EBF2: variants seen among roughly 807,000 people sequenced by gnomAD.
EBF2 encodes the protein transcription factor COE2.
EBF2 carries 21 observed loss-of-function variants against 72.8 expected under a neutral mutation model. The ratio of observed to expected loss-of-function variants is 0.29; its 90% CI spans 0.20 to 0.42. The LOEUF is 0.42. Among genes scored for constraint, EBF2 ranks in the 10% least tolerant of loss-of-function variants. The probability of loss-of-function intolerance (pLI) is 1.00; values close to 1 mark genes in which losing one functional copy is unlikely to be tolerated. For missense variants in EBF2, 637 were observed against 731.2 expected, an observed-to-expected ratio of 0.87 and a Z score of 1.49; for synonymous variants, 299 against 274.2, an observed-to-expected ratio of 1.09 and a Z score of -0.89.
chr8:25,991,611 C>T (rs763593224), intron 6 of EBF2, among the ~76,000 whole-genome samples: 8 of 152,000 alleles, frequency 5.3e-5, no homozygotes, highest in East Asian at 1.9e-4. Context: ...TTTGGGAGGT[C>T]GAGGCGGGCA....
chr8:26,024,114 A>T (rs1465241904), intron 6 of EBF2, among the ~76,000 whole-genome samples: 1 of 152,082 alleles, frequency 6.6e-6, no homozygotes, highest in South Asian at 2.1e-4. Flanking sequence ...TACCTCTAAA[A>T]CTATGTGCAG....
At chr8:25,885,225 T>TA (rs1228985800) in intron 10 of EBF2, among the ~76,000 whole-genome samples, 4 of 152,190 alleles carry the variant, frequency 2.6e-5, no homozygotes, top group African/African-American at 9.6e-5. Flanking sequence ...TTTTTAACTT[T>TA]AAAAAAATGT....
At chr8:25,921,626 A>G (rs1048872361) in intron 6 of EBF2, among the ~76,000 whole-genome samples, 1 of 152,214 alleles carries the variant, frequency 6.6e-6, no homozygotes, top group Non-Finnish European at 1.5e-5. Context: ...AGTACCAAAA[A>G]TGAAATCTTT....
At chr8:25,957,119 G>A (rs1264406302) in intron 6 of EBF2, among the ~76,000 whole-genome samples, 1 of 152,168 alleles carries the variant, frequency 6.6e-6, no homozygotes, top group East Asian at 1.9e-4. Context: ...TTTGAAAGAA[G>A]GATGGCTGTG....
chr8:25,931,360 G>T (rs1285927754), intron 6 of EBF2, among the ~76,000 whole-genome samples: 2 of 152,128 alleles, frequency 1.3e-5, no homozygotes, highest in African/African-American at 4.8e-5. Flanking sequence ...CTGGTCTAAA[G>T]CAATTGTGGA....
At chr8:25,991,204 A>G (rs1442795317) in intron 6 of EBF2, among the ~76,000 whole-genome samples, 1 of 152,176 alleles carries the variant, frequency 6.6e-6, no homozygotes, top group Non-Finnish European at 1.5e-5. Context: ...GAAAGTTTGT[A>G]TTTTTATCCT....
chr8:25,997,392 G>A (rs756659791), intron 6 of EBF2, among the ~76,000 whole-genome samples: 7 of 152,034 alleles, frequency 4.6e-5, no homozygotes, highest in East Asian at 3.9e-4. Context: ...GCAACATAGC[G>A]AGACCCCATC....
At chr8:25,849,806 C>T (rs1801922466) in intron 15 of EBF2, among the ~76,000 whole-genome samples, 1 of 152,148 alleles carries the variant, frequency 6.6e-6, no homozygotes, top group Non-Finnish European at 1.5e-5. Flanking sequence ...TCTCCACAAC[C>T]CCCTAATCAG....
chr8:25,905,863 C>T (rs573454326), intron 7 of EBF2, among the ~76,000 whole-genome samples: 13 of 152,278 alleles, frequency 8.5e-5, no homozygotes, highest in African/African-American at 2.9e-4. Context: ...AAAATGCAAA[C>T]AAATTGCCAG....
intron 10 of EBF2, among the ~76,000 whole-genome samples, chr8:25,886,519 A>C (rs3812416): frequency 6.6e-6 from 1 of 152,254 alleles, no homozygotes; most frequent in African/African-American, 2.4e-5. Context: ...ATTTTCAGAG[A>C]TGTGTTCCTG....
chr8:25,891,408 C>G (rs555924784), intron 7 of EBF2, among the ~76,000 whole-genome samples: 5 of 151,026 alleles, frequency 3.3e-5, no homozygotes, highest in African/African-American at 1.2e-4. Flanking sequence ...TATATACATA[C>G]TCACAAACAT....
intron 6 of EBF2, among the ~76,000 whole-genome samples, chr8:25,947,881 C>A (rs1033651361): frequency 6.6e-6 from 1 of 152,212 alleles, no homozygotes; most frequent in East Asian, 1.9e-4. Flanking sequence ...TCGGGGCAGA[C>A]CTTGATAAAC....
chr8:25,845,280 C>T (rs1240482642), intron 15 of EBF2, among the ~76,000 whole-genome samples: 2 of 152,184 alleles, frequency 1.3e-5, no homozygotes, highest in African/African-American at 4.8e-5. Context: ...GTCACCCAGG[C>T]TGGAGTGCAG....
At position 25,858,727 on chromosome 8, in the gene EBF2, T is replaced by G. The variant is rs1050805604; in HGVS notation, c.1343-223A>C. Among the ~76,000 whole-genome samples, 3 of 149,900 alleles carry G rather than the reference T, an allele frequency of 2.0e-5. No homozygotes were observed. The East Asian group carries it at 6.0e-4, about 30-fold the overall frequency. On this transcript the variant is annotated intron_variant, in intron 13 of 15. Transcript: ENST00000520164. ...CAGGCTGGAGTACAGTGGCACGATC[T>G]TGGCTCACTGCAACCTCTGCTGCCC...
At chr8:25,948,802 A>G (rs967493432) in intron 6 of EBF2, among the ~76,000 whole-genome samples, 3 of 152,194 alleles carry the variant, frequency 2.0e-5, no homozygotes, top group African/African-American at 7.2e-5. Context: ...TCCACAGTCT[A>G]ATCCTACGTT....
At chr8:25,950,461 C>T (rs563092527) in intron 6 of EBF2, among the ~76,000 whole-genome samples, 1 of 152,346 alleles carries the variant, frequency 6.6e-6, no homozygotes, top group South Asian at 2.1e-4. Context: ...CTAAATGCTT[C>T]CATGCTCCTG....
At chr8:25,904,838 A>C (rs1427407178) in intron 7 of EBF2, among the ~76,000 whole-genome samples, 1 of 152,204 alleles carries the variant, frequency 6.6e-6, no homozygotes, top group East Asian at 1.9e-4. Flanking sequence ...TCTTAGTAGA[A>C]TCTAAGTACA....
intron 6 of EBF2, among the ~76,000 whole-genome samples, chr8:26,000,300 C>G (rs985087): frequency 0.53 from 81,128 of 151,932 alleles, 23,004 homozygotes; most frequent in Admixed American, 0.62. Context: ...GCTAGCTACA[C>G]CATCATCATC....
intron 6 of EBF2, among the ~76,000 whole-genome samples, chr8:25,955,370 G>A (rs1286555918): frequency 1.3e-5 from 2 of 152,200 alleles, no homozygotes; most frequent in African/African-American, 2.4e-5. Flanking sequence ...ATTCAGGTGG[G>A]GGCCTTGAGA....
Sources: gnomAD v4.1 joint callset for allele counts (sites outside exome capture counted in the v4.1 genomes callset) on GRCh38, gnomAD v4.1.1 for gene constraint, MANE v1.5 for transcripts, NCBI Gene and HGNC (gene_info 2026-07-23, HGNC 2026-07-21) for gene names.